KATNBL1: variants seen among roughly 807,000 people sequenced by gnomAD.
KATNBL1 encodes the protein katanin regulatory subunit B1 like 1.
KATNBL1 carries 28 observed loss-of-function variants against 44.7 expected under a neutral mutation model. The observed-to-expected ratio is 0.63, with a 90% CI of 0.46 to 0.86. The LOEUF (loss-of-function observed/expected upper bound fraction) is 0.86. Among genes scored for constraint, KATNBL1 ranks in the 40% least tolerant of loss-of-function variants. The pLI, the probability that KATNBL1 is intolerant of heterozygous loss-of-function variation, is 0.00. For synonymous variants in KATNBL1, 78 were observed against 114.9 expected, an observed-to-expected ratio of 0.68 and a Z score of 2.06; for missense variants, 272 against 350.7, an observed-to-expected ratio of 0.78 and a Z score of 1.79.
chr15:34,205,274 G>A (rs186183635), intron 1 of KATNBL1, among the ~76,000 whole-genome samples: 132 of 152,322 alleles, frequency 8.7e-4, no homozygotes, highest in African/African-American at 3.1e-3. Context: ...TTACAGGCAT[G>A]AGCCACTGTG....
chr15:34,186,797 G>A (rs925604427), intron 1 of KATNBL1, among the ~76,000 whole-genome samples: 13 of 152,260 alleles, frequency 8.5e-5, no homozygotes, highest in East Asian at 3.8e-4. Flanking sequence ...GAATGGCAGC[G>A]GGAGACAGAC....
chr15:34,143,647 T>G (rs1056672812), intron 9 of KATNBL1, among the ~76,000 whole-genome samples: 1 of 150,148 alleles, frequency 6.7e-6, no homozygotes, highest in Admixed American at 6.6e-5. Flanking sequence ...TCATAAGATT[T>G]TCATCATTAA....
chr15:34,181,104 T>C (rs779895308), intron 1 of KATNBL1, among the ~76,000 whole-genome samples: 1 of 152,316 alleles, frequency 6.6e-6, no homozygotes, highest in Non-Finnish European at 1.5e-5. Context: ...ATAGTGTTCA[T>C]GGTAAAATAC....
Position 34,184,576 on chromosome 15 carries a change from CT to C in KATNBL1, c.-14-20887del, listed in dbSNP as rs71119942. 3.1e-4 allele frequency among the ~76,000 whole-genome samples: 30 copies of C among 95,260 alleles called. 1 individual carries two copies. Among genetic ancestry groups the C allele is most frequent in the African/African-American group, 7.8e-4 (20 of 25,540 alleles). The allele number at this position is 95,260 out of a possible 152,430, so 62.5% of individuals were successfully genotyped here. On this transcript the variant is annotated intron_variant, in intron 1 of 9. Coordinates refer to ENST00000256544, the MANE Select transcript of KATNBL1 (RefSeq NM_024713.3). ...ATACTTCCTGTCTCTCCTAATGTTT[CT>C]TTTTTTTTTTTTTGAGACAGAGTCT... is the stretch of plus-strand genomic sequence containing the variant.
intron 9 of KATNBL1, chr15:34,144,985 T>C: frequency 2.9e-6 from 2 of 697,846 alleles, no homozygotes; most frequent in Non-Finnish European, 3.6e-6. Flanking sequence ...TTAAATAGTT[T>C]ACCTTCTCAA....
rs1597418520 is a variant in KATNBL1, at chr15:34,141,237, C to G, written c.*1102G>C. The G allele has an allele frequency of 6.6e-6, 1 of 152,508 alleles. No homozygotes were observed. The highest frequency in any genetic ancestry group is 1.5e-5 in the Non-Finnish European group (1 of 67,996). 9.4% of individuals were successfully genotyped at this position (152,508 alleles called of 1,614,324 possible). On this transcript the variant is annotated 3_prime_UTR_variant, in exon 10 of 10. Coordinates refer to ENST00000256544, the MANE Select transcript of KATNBL1 (RefSeq NM_024713.3). ...TCATACAGTCTGCTAGCATATCATA[C>G]TAACCATTAGAGGAGGTAGTGACAC...
intron 6 of KATNBL1, 40 bp from the exon 7 acceptor site, chr15:34,147,329 T>C (rs1888339150): frequency 1.3e-6 from 2 of 1,593,232 alleles, no homozygotes; most frequent in Non-Finnish European, 1.7e-6. Flanking sequence ...GGATGGGCCA[T>C]AATTTGACCT....
intron 1 of KATNBL1, among the ~76,000 whole-genome samples, chr15:34,172,253 A>ATTTTTTTTTT (rs1260376752): frequency 2.1e-5 from 1 of 46,858 alleles, no homozygotes; most frequent in Non-Finnish European, 4.6e-5. Flanking sequence ...GGAGGAACAT[A>ATTTTTTTTTT]TTCTTTTTTT....
intron 1 of KATNBL1, among the ~76,000 whole-genome samples, chr15:34,206,745 C>G (rs188725537): frequency 1.3e-5 from 2 of 151,564 alleles, no homozygotes; most frequent in East Asian, 1.9e-4. Context: ...GAGTCAAGAT[C>G]TTGCCACTGT....
chr15:34,207,998 G>A (rs145906289), intron 1 of KATNBL1, among the ~76,000 whole-genome samples: 35 of 152,304 alleles, frequency 2.3e-4, no homozygotes, highest in African/African-American at 6.0e-4. Flanking sequence ...CTGTACTAAC[G>A]AAGAGTGTCA....
At chr15:34,177,197 C>T (rs562987242) in intron 1 of KATNBL1, among the ~76,000 whole-genome samples, 15 of 152,214 alleles carry the variant, frequency 9.9e-5, no homozygotes, top group Admixed American at 7.9e-4. Context: ...TTTGCTAATA[C>T]CCTTAGTGTA....
intron 4 of KATNBL1, among the ~76,000 whole-genome samples, 158 bp downstream of exon 4, chr15:34,152,632 G>A (rs557057863): frequency 2.0e-5 from 3 of 152,224 alleles, no homozygotes; most frequent in African/African-American, 7.2e-5. Flanking sequence ...TTCAAATTTG[G>A]TTAATCTAGA....
chr15:34,195,991 G>A (rs1351639011), intron 1 of KATNBL1, among the ~76,000 whole-genome samples: 1 of 152,102 alleles, frequency 6.6e-6, no homozygotes, highest in Non-Finnish European at 1.5e-5. Context: ...ACGTGTGCAT[G>A]CTTATCTAAA....
chr15:34,163,516 C>T, intron 2 of KATNBL1, 44 bp downstream of exon 2: 1 of 1,565,678 alleles, frequency 6.4e-7, no homozygotes, highest in South Asian at 1.2e-5. Flanking sequence ...AGAGACCTAA[C>T]CGTTTAAATT....
At position 34,147,291 on chromosome 15, in the gene KATNBL1, T is replaced by G; in HGVS notation, c.609-2A>C. On this transcript the variant is annotated splice_acceptor_variant, in intron 6 of 9. Coordinates refer to ENST00000256544, the MANE Select transcript of KATNBL1 (RefSeq NM_024713.3). LOFTEE classifies it high-confidence loss of function. The stretch of plus-strand genomic sequence containing the variant: ...ATATATTGTTTTTCTTCCTGTAAAC[T>G]AAAATAAATACCAAGTTATAAAAAT... The G allele has an allele frequency of 6.2e-7, 1 of 1,606,154 alleles. No individual in the cohort carries two copies. Among genetic ancestry groups the G allele is most frequent in the African/African-American group, 1.3e-5 (1 of 74,870 alleles).
At chr15:34,163,432 A>G (rs1888869466) in intron 2 of KATNBL1, 128 bp downstream of exon 2, 4 of 1,110,698 alleles carry the variant, frequency 3.6e-6, no homozygotes, top group Non-Finnish European at 3.8e-6. Flanking sequence ...TATTTCACCA[A>G]TTCAACTTAA....
At chr15:34,178,671 G>A (rs980208487) in intron 1 of KATNBL1, among the ~76,000 whole-genome samples, 2 of 148,354 alleles carry the variant, frequency 1.3e-5, no homozygotes, top group Non-Finnish European at 3.0e-5. Flanking sequence ...CAGGAGAATG[G>A]CATGAACCCA....
chr15:34,204,669 T>C (rs1055028269), intron 1 of KATNBL1, among the ~76,000 whole-genome samples: 2 of 152,206 alleles, frequency 1.3e-5, no homozygotes, highest in Non-Finnish European at 2.9e-5. Flanking sequence ...CATACAGGCT[T>C]CTTGAAAAAC....
intron 1 of KATNBL1, among the ~76,000 whole-genome samples, chr15:34,180,551 C>T (rs1486950409): frequency 1.3e-5 from 2 of 152,210 alleles, no homozygotes; most frequent in Non-Finnish European, 2.9e-5. Flanking sequence ...AGTTATTTCT[C>T]TCGACCCAGG....
Sources: gnomAD v4.1 joint callset for allele counts (sites outside exome capture counted in the v4.1 genomes callset) on GRCh38, gnomAD v4.1.1 for gene constraint, MANE v1.5 for transcripts, NCBI Gene and HGNC (gene_info 2026-07-23, HGNC 2026-07-21) for gene names.